Variants in MND1 observed in about 807,000 individuals in gnomAD.
The protein encoded by MND1 is meiotic nuclear divisions 1.
In MND1, 28 loss-of-function variants were observed where a neutral mutation model predicts 35.1. The ratio of observed to expected loss-of-function variants is 0.80; its 90% CI spans 0.59 to 1.09. The LOEUF (loss-of-function observed/expected upper bound fraction) is 1.09. Ranked by LOEUF, MND1 falls within the 50% of genes least tolerant of loss-of-function variation. The pLI is 0.00. For missense variants in MND1, 213 were observed against 239.6 expected (o/e 0.89, Z 0.73); for synonymous variants, 69 against 70.5 (o/e 0.98, Z 0.11).
intron 4 of MND1, among the ~76,000 whole-genome samples, chr4:153,390,931 GTGTGTGTGTGTA>G (rs1419796162): frequency 4.9e-5 from 7 of 144,302 alleles, no homozygotes; most frequent in East Asian, 4.1e-4. Flanking sequence ...GTGTGTGTGT[GTGTGTGTGTGTA>G]TATAAAATGT....
chr4:153,367,925 A>G (rs998760285), intron 4 of MND1, among the ~76,000 whole-genome samples: 5 of 152,134 alleles, frequency 3.3e-5, no homozygotes, highest in Admixed American at 3.3e-4. Flanking sequence ...CATTTCTCTG[A>G]TGACTGGTGA....
At chr4:153,391,000 T>C (rs1244372384) in intron 4 of MND1, among the ~76,000 whole-genome samples, 3 of 152,034 alleles carry the variant, frequency 2.0e-5, no homozygotes, top group African/African-American at 7.2e-5. Flanking sequence ...TTGGATAATG[T>C]CTACCTGTCT....
chr4:153,400,562 T>A (rs1324860282), intron 6 of MND1, among the ~76,000 whole-genome samples: 2 of 152,088 alleles, frequency 1.3e-5, no homozygotes, highest in African/African-American at 4.8e-5. Context: ...TGGCATGCGC[T>A]TTATTCAAGT....
At chr4:153,409,134 T>A (rs1310163671) in intron 7 of MND1, 119 bp downstream of exon 7, 1 of 399,286 alleles carries the variant, frequency 2.5e-6, no homozygotes, top group Non-Finnish European at 4.3e-6. Context: ...GAAAAATGTA[T>A]GCATTACTCA....
intron 6 of MND1, among the ~76,000 whole-genome samples, chr4:153,406,448 G>A (rs187122438): frequency 2.6e-5 from 4 of 151,996 alleles, no homozygotes; most frequent in African/African-American, 9.7e-5. Context: ...CTTGAACCAG[G>A]AAGGCAGAGG....
chr4:153,406,102 AT>A (rs1420737779), intron 6 of MND1, among the ~76,000 whole-genome samples: 4 of 152,024 alleles, frequency 2.6e-5, no homozygotes, highest in Admixed American at 2.6e-4. Context: ...GCCAGGCCGG[AT>A]TTATATTTCT....
chr4:153,390,887 A>G (rs1244483909), intron 4 of MND1, among the ~76,000 whole-genome samples: 7 of 98,932 alleles, frequency 7.1e-5, no homozygotes, highest in African/African-American at 2.8e-4. Context: ...AAAGGTATAT[A>G]TATGTGTGTG....
At chr4:153,355,949 T>A in intron 3 of MND1, 2 of 373,350 alleles carry the variant, frequency 5.4e-6, no homozygotes, top group Non-Finnish European at 4.8e-6. Flanking sequence ...TGTCATTAAA[T>A]ATCCTTTTAT....
intron 4 of MND1, among the ~76,000 whole-genome samples, chr4:153,391,814 G>A (rs1257795678): frequency 6.6e-6 from 1 of 151,334 alleles, no homozygotes; most frequent in Non-Finnish European, 1.5e-5. Flanking sequence ...TTACTCGCAA[G>A]GAGAGGTATA....
chr4:153,411,788 T>C (rs1490661525), intron 7 of MND1, among the ~76,000 whole-genome samples: 1 of 152,196 alleles, frequency 6.6e-6, no homozygotes, highest in Non-Finnish European at 1.5e-5. Flanking sequence ...AAGCCTATCC[T>C]GTAAGCTATA....
intron 4 of MND1, among the ~76,000 whole-genome samples, chr4:153,378,823 T>C (rs1473727229): frequency 1.3e-5 from 2 of 152,198 alleles, no homozygotes; most frequent in East Asian, 3.8e-4. Context: ...AAGAGCCCAA[T>C]CCACATTCCT....
chr4:153,384,258 CTTT>C (rs35214226), intron 4 of MND1, among the ~76,000 whole-genome samples: 4 of 55,358 alleles, frequency 7.2e-5, no homozygotes, highest in Admixed American at 2.2e-4. Flanking sequence ...CTACTTTCTG[CTTT>C]TTTTTTTTTT....
intron 2 of MND1, among the ~76,000 whole-genome samples, chr4:153,350,476 T>C (rs1350004721): frequency 1.3e-5 from 2 of 152,148 alleles, no homozygotes; most frequent in African/African-American, 4.8e-5. Flanking sequence ...TCTCAAACAA[T>C]AGAAGCCATA....
intron 5 of MND1, among the ~76,000 whole-genome samples, chr4:153,396,085 T>C (rs942691703): frequency 3.9e-5 from 6 of 152,210 alleles, no homozygotes; most frequent in Non-Finnish European, 7.3e-5. Flanking sequence ...ACCATCTTCT[T>C]ATAGTTATTT....
intron 7 of MND1, 145 bp from the exon 8 acceptor site, chr4:153,414,606 C>A: frequency 2.2e-6 from 1 of 451,524 alleles, no homozygotes; most frequent in Non-Finnish European, 4.0e-6. Context: ...AATTAGTTGC[C>A]ATTACTCTTA....
chr4:153,393,514 G>A (rs148694224), intron 4 of MND1, among the ~76,000 whole-genome samples: 2 of 152,030 alleles, frequency 1.3e-5, no homozygotes, highest in Admixed American at 1.3e-4. Context: ...GAGTAGCTGG[G>A]ACTACAGGCT....
chr4:153,397,995 A>G (rs903290774), intron 6 of MND1, among the ~76,000 whole-genome samples: 1 of 152,218 alleles, frequency 6.6e-6, no homozygotes, highest in Non-Finnish European at 1.5e-5. Flanking sequence ...TTGATTCTGT[A>G]AAGAAATCCA....
rs566674186 is a variant in MND1 at position 153,414,730 on chromosome 4, A to G, written c.512-21A>G. The stretch of plus-strand genomic sequence containing the variant: ...TTATGATTGTGTTTTTCTCAAAATT[A>G]TTTCTCAATTTTCTTTATAGATAAC... On this transcript the variant is annotated intron_variant, in intron 7 of 7. Coordinates refer to ENST00000240488, the MANE Select transcript of MND1 (RefSeq NM_032117.4). 14 of 1,100,880 alleles carry G rather than the reference A, an allele frequency of 1.3e-5. No individual in the cohort carries two copies. The South Asian group carries it at 2.0e-4, about 16-fold the overall frequency. The allele number at this position is 1,100,880 out of a possible 1,614,324, so 68.2% of individuals were successfully genotyped here.
At chr4:153,398,198 A>G (rs1729251628) in intron 6 of MND1, among the ~76,000 whole-genome samples, 1 of 152,128 alleles carries the variant, frequency 6.6e-6, no homozygotes, top group Non-Finnish European at 1.5e-5. Flanking sequence ...ATTTAAGGAG[A>G]TAAAAGAGTG....
Sources: allele counts gnomAD v4.1 joint callset (sites outside exome capture counted in the v4.1 genomes callset), GRCh38; gene constraint gnomAD v4.1.1; transcripts MANE v1.5; gene names NCBI Gene and HGNC (gene_info 2026-07-23, HGNC 2026-07-21).